ABCA7: variants seen among roughly 807,000 people sequenced by gnomAD.
ABCA7 encodes the protein phospholipid-transporting ATPase ABCA7.
In ABCA7, 261 loss-of-function variants were observed where a neutral mutation model predicts 227.6. The ratio of observed to expected loss-of-function variants is 1.15; its 90% confidence interval spans 1.04 to 1.27. The LOEUF (loss-of-function observed/expected upper bound fraction) is 1.27, where lower values mean the gene tolerates loss of function less well. Ranked by LOEUF, ABCA7 falls within the 50% of genes most tolerant of loss-of-function variation. The probability of loss-of-function intolerance (pLI) is 0.00; values close to 1 mark genes in which losing one functional copy is unlikely to be tolerated. For missense variants in ABCA7, 3,331 were observed against 2,924.5 expected (o/e 1.14, Z -3.21); for synonymous variants, 1,488 against 1,279.7 (o/e 1.16, Z -3.47).
rs1392076177 is a variant in ABCA7, at chr19:1,054,869, G to A, written c.3941G>A (p.Ser1314Asn). ...CTGGAGGAGCCCCCAGTGCAGCATA[G>A]CTCCCACAGGTGAGGCGTCTTGTTG... ...AGLEEPPVQH[S>N]SHRFSAPEVP... is the part of the protein sequence containing the mutation. The change falls in exon 29 of 47, where the codon AGC (serine) becomes AAC (asparagine). Residue 1314 changes from serine (S) to asparagine (N), a missense_variant. Physicochemically the swap from Ser to Asn is conservative, Grantham distance 46. Transcript: ENST00000263094. This position sits in a 1 kb window ranked among gnomAD's most constrained non-coding sequence, Gnocchi z 4.8. 3 of 1,558,672 alleles carry A rather than the reference G, an allele frequency of 1.9e-6. No homozygotes were observed. Among genetic ancestry groups the A allele is most frequent in the African/African-American group, 1.4e-5 (1 of 73,368 alleles).
intron 16 of ABCA7, among the ~76,000 whole-genome samples, chr19:1,048,642 T>A (rs1158006992): frequency 6.6e-6 from 1 of 150,568 alleles, no homozygotes; most frequent in Non-Finnish European, 1.5e-5. Context: ...ACCCCGTCTC[T>A]CCCAAAAATA....
intron 16 of ABCA7, 151 bp from the exon 17 acceptor site, chr19:1,048,744 G>A (rs546901323): frequency 5.3e-4 from 240 of 455,384 alleles, no homozygotes; most frequent in Admixed American, 1.1e-3. Context: ...GGGAGGCGGA[G>A]CTTGCAGCGA....
chr19:1,041,797 C>A, intron 3 of ABCA7, 34 bp from the exon 4 acceptor site: 1 of 1,599,638 alleles, frequency 6.3e-7, no homozygotes, highest in South Asian at 1.1e-5. Context: ...CAGGCAGAGT[C>A]CACAGGGCCT....
intron 2 of ABCA7, 26 bp downstream of exon 2, chr19:1,041,453 C>T: frequency 2.5e-6 from 4 of 1,613,946 alleles, no homozygotes; most frequent in Non-Finnish European, 3.4e-6. Context: ...GAGACCAGGG[C>T]CGGGTGGGCA....
chr19:1,043,743 G>C lies in ABCA7; in HGVS notation c.949G>C (p.Glu317Gln), dbSNP rs2040296008. Residue 317 changes from glutamate to glutamine, a missense_variant, in exon 10 of 47, where the codon GAG becomes CAG. Transcript: ENST00000263094. ...LMAQVNRTFE[E>Q]LTLLRDVREV... is the part of the protein sequence containing the mutation. ...TCCACAGGTGAACCGGACCTTCGAG[G>C]AGCTCACCCTGCTGAGGGATGTCCG... 2.5e-6 allele frequency: 4 copies of C among 1,613,026 alleles called. No individual in the cohort carries two copies. In the African/African-American group the frequency reaches 5.3e-5, roughly 22 times the overall value.
Position 1,042,353 on chromosome 19 carries a change from C to A in ABCA7, c.454C>A (p.Pro152Thr). The A allele has an allele frequency of 6.3e-7, 1 of 1,599,356 alleles. No individual in the cohort carries two copies. Among genetic ancestry groups the A allele is most frequent in the South Asian group, 1.1e-5 (1 of 89,758 alleles). The change falls in exon 6 of 47, where the codon CCC becomes ACC. Residue 152 changes from proline to threonine, a missense_variant. Transcript: ENST00000263094. Reference sequence around the variant, plus strand: ...AACCAAGCAGTCTCCACTGGAACCACCCATGCTGGATGTCGCGGAGCTGCT... The same window carrying A: ...AACCAAGCAGTCTCCACTGGAACCAACCATGCTGGATGTCGCGGAGCTGCT... Reference protein sequence around the residue: ...QPTKQSPLEPPMLDVAELLTS... With the variant: ...QPTKQSPLEPTMLDVAELLTS...
Position 1,047,250 on chromosome 19 carries a change from A to G in ABCA7, c.1939A>G (p.Ser647Gly). The change falls in exon 15 of 47, where the codon AGC becomes GGC. Residue 647 changes from serine (S) to glycine (G), a missense_variant. By Grantham distance (56) the Ser-to-Gly change is moderately conservative. Coordinates refer to ENST00000263094, the MANE Select transcript of ABCA7 (RefSeq NM_019112.4). ...VATVTQSFLL[S>G]AFFSRANLAA... ...CACGGTGACCCAGAGCTTCCTGCTC[A>G]GCGCCTTCTTCTCCCGCGCCAACCT... The G allele has an allele frequency of 6.2e-7, 1 of 1,607,992 alleles. No homozygotes were observed. The highest frequency in any genetic ancestry group is 1.7e-4 in the Middle Eastern group (1 of 6,058).
At chr19:1,044,915 C>A in intron 11 of ABCA7, 87 bp from the exon 12 acceptor site, 1 of 1,534,144 alleles carries the variant, frequency 6.5e-7, no homozygotes, top group South Asian at 1.2e-5. Context: ...GAAAACATGG[C>A]CCAGCCCCGA....
intron 40 of ABCA7, 138 bp downstream of exon 40, chr19:1,059,223 GCTC>G (rs923258349): frequency 2.5e-4 from 150 of 590,708 alleles, no homozygotes; most frequent in Non-Finnish European, 3.4e-4. Flanking sequence ...CAATATTTGT[GCTC>G]CTATTTTTAT....
At chr19:1,052,151 C>A (rs1427632618) in intron 22 of ABCA7, 25 bp downstream of exon 22, 6 of 1,610,692 alleles carry the variant, frequency 3.7e-6, no homozygotes, top group Non-Finnish European at 5.1e-6. Flanking sequence ...TCTCCTGACC[C>A]CTGACCCCCG....
rs539049233 is a variant in ABCA7, at chr19:1,046,582, G to C, written c.1622+176G>C. Among the ~76,000 whole-genome samples, 40 of 102,260 alleles carry C rather than the reference G, an allele frequency of 3.9e-4. No individual in the cohort carries two copies. The East Asian group carries it at 0.019, about 47-fold the overall frequency. 67.1% of individuals were successfully genotyped at this position (102,260 alleles called of 152,430 possible). A position where few individuals can be genotyped will look rare whatever the true frequency, so the allele number is the denominator to read the frequency against. On this transcript the variant is annotated intron_variant, in intron 13 of 46. Transcript: ENST00000263094. ...AGCAGGGGACTCTGAGGGTCTGGTG[G>C]GGGGGGGGACTCTGAGGGTCTGGGG...
At chr19:1,060,207 A>ATATATATTTTTTTTTT in intron 40 of ABCA7, among the ~76,000 whole-genome samples, 1 of 96,770 alleles carries the variant, frequency 1.0e-5, no homozygotes, top group African/African-American at 3.5e-5. Context: ...ATATATATAT[A>ATATATATTTTTTTTTT]TTTTTTTTTC....
rs1034222817 is a variant in ABCA7, at chr19:1,045,034, C to G, written c.1248C>G (p.Pro416=). The change falls in exon 12 of 47, where the codon CCC becomes CCG. Residue 416 remains proline (P), a synonymous_variant. Coordinates refer to ENST00000263094, the MANE Select transcript of ABCA7 (RefSeq NM_019112.4). ...CCTTGGACAAGCTGGAGGCGGCACC[C>G]TCAGAGGCAGCCCTGGTGTCGCGGG... ...CLSLDKLEAA[P]SEAALVSRAL... 3 of 1,612,852 alleles carry G rather than the reference C, an allele frequency of 1.9e-6. No homozygotes were observed. Among genetic ancestry groups the G allele is most frequent in the South Asian group, 1.1e-5 (1 of 91,074 alleles).
intron 14 of ABCA7, 65 bp downstream of exon 14, chr19:1,047,089 C>T: frequency 6.4e-7 from 1 of 1,553,318 alleles, no homozygotes; most frequent in South Asian, 1.2e-5. Flanking sequence ...ACAGGGGCGG[C>T]CCCACGTGGG....
rs1048099404 is a variant in ABCA7, at chr19:1,050,999, C to G, written c.2631C>G (p.Ala877=). The change falls in exon 19 of 47, where the codon GCC becomes GCG. Residue 877 remains alanine (A), a synonymous_variant. Transcript: ENST00000263094. ...ILGHDVRSSM[A]AIRPHLGVCP... is the part of the protein sequence containing the mutation. Reference sequence around the variant, plus strand: ...GCCACGACGTCCGCTCCAGCATGGCCGCCATCCGGCCCCACCTGGGCGTCT... The same window carrying G: ...GCCACGACGTCCGCTCCAGCATGGCGGCCATCCGGCCCCACCTGGGCGTCT... The G allele has an allele frequency of 6.2e-7, 1 of 1,612,294 alleles. No homozygotes were observed. Among genetic ancestry groups the G allele is most frequent in the Non-Finnish European group, 8.5e-7 (1 of 1,179,754 alleles).
rs1273772906 is a variant in ABCA7, at chr19:1,054,849, G to A, written c.3921G>A (p.Glu1307=). 1.3e-6 allele frequency: 2 copies of A among 1,564,726 alleles called. No individual in the cohort carries two copies. The highest frequency in any genetic ancestry group is 2.3e-5 in the South Asian group (2 of 86,084). Residue 1307 remains glutamate, a synonymous_variant, in exon 29 of 47, where the codon GAG becomes GAA. Coordinates refer to ENST00000263094, the MANE Select transcript of ABCA7 (RefSeq NM_019112.4). The surrounding 1 kb of genome is among the most constrained non-coding windows in gnomAD (Gnocchi z 4.8). ...CGCTGCTGCAGGAGGCAGGACTGGA[G>A]GAGCCCCCAGTGCAGCATAGCTCCC... The part of the protein sequence containing the change: ...LEALLQEAGL[E]EPPVQHSSHR...
At chr19:1,050,598 T>C (rs1367884400) in intron 18 of ABCA7, among the ~76,000 whole-genome samples, 1 of 149,954 alleles carries the variant, frequency 6.7e-6, no homozygotes, top group Non-Finnish European at 1.5e-5. Flanking sequence ...GGTGAAACAG[T>C]GAAACCCCGT....
chr19:1,042,123 C>T lies in ABCA7; in HGVS notation c.362C>T (p.Thr121Met). 1 of 1,599,212 alleles carries T rather than the reference C, an allele frequency of 6.3e-7. No homozygotes were observed. Among genetic ancestry groups the T allele is most frequent in the South Asian group, 1.1e-5 (1 of 90,846 alleles). ...TVLGGASAHRTLAGLGKLIAT... is the reference protein window; with the variant it reads ...TVLGGASAHRMLAGLGKLIAT... ...CTGGGAGGGGCCAGTGCCCACAGGA[C>T]GCTGGCTGGCCTAGGGAAGCTGATC... The change falls in exon 5 of 47, where the codon ACG becomes ATG. Residue 121 changes from threonine (T) to methionine (M), a missense_variant. Thr to Met is a moderately conservative substitution (Grantham distance 81, BLOSUM62 -1). Coordinates refer to ENST00000263094, the MANE Select transcript of ABCA7 (RefSeq NM_019112.4).
intron 16 of ABCA7, 89 bp downstream of exon 16, chr19:1,047,743 G>T: frequency 3.6e-6 from 5 of 1,381,736 alleles, no homozygotes; most frequent in East Asian, 2.6e-5. Context: ...CCGTTTGGGG[G>T]TGGGGGGTGG....
Sources: gnomAD v4.1 joint callset for allele counts (sites outside exome capture counted in the v4.1 genomes callset) on GRCh38, gnomAD v4.1.1 for gene constraint, Gnocchi (gnomAD v3.1) non-coding constraint, MANE v1.5 for transcripts, NCBI Gene and HGNC (gene_info 2026-07-23, HGNC 2026-07-21) for gene names.